The following CMTM5 variants were observed in gnomAD, a reference collection of about 807,000 sequenced individuals.
The protein encoded by CMTM5 is CKLF like MARVEL transmembrane domain containing 5, also known as CKLF-like MARVEL transmembrane domain-containing protein 5.
A neutral mutation model predicts 26.9 loss-of-function variants in CMTM5; 25 were observed. The observed-to-expected ratio is 0.93, with a 90% confidence interval of 0.68 to 1.30. The LOEUF is 1.30. CMTM5 is among the 50% of genes most tolerant of loss of function. The pLI, the probability that CMTM5 is intolerant of heterozygous loss-of-function variation, is 0.00. For synonymous variants in CMTM5, 98 were observed against 115.5 expected (o/e 0.85, Z 0.97); for missense variants, 292 against 289.6 (o/e 1.01, Z -0.06).
In CMTM5 at chr14:23,378,348, G is replaced by T; in HGVS notation, c.127-1G>T. The T allele has an allele frequency of 6.2e-7, 1 of 1,613,976 alleles. No individual in the cohort carries two copies. The highest frequency in any genetic ancestry group is 8.5e-7 in the Non-Finnish European group (1 of 1,179,946). The stretch of plus-strand genomic sequence containing the variant: ...CATGTTCCACATGCTCGGTCCTGCA[G>T]GCCCTGACCCTCATCATCTTCATCT... On this transcript the variant is annotated splice_acceptor_variant, in intron 1 of 5. Coordinates refer to ENST00000339180, the MANE Select transcript of CMTM5 (RefSeq NM_001288746.2). LOFTEE classifies it high-confidence loss of function. The surrounding 1 kb of genome is among the most constrained non-coding windows in gnomAD (Gnocchi z 4.2).
In CMTM5 at chr14:23,378,209, G is replaced by A; in HGVS notation, c.127-140G>A. The A allele has an allele frequency of 1.2e-6, 1 of 869,454 alleles. No homozygotes were observed. Among genetic ancestry groups the A allele is most frequent in the Non-Finnish European group, 1.7e-6 (1 of 573,704 alleles). 53.9% of individuals were successfully genotyped at this position (869,454 alleles called of 1,614,324 possible). A position where few individuals can be genotyped will look rare whatever the true frequency, so the allele number is the denominator to read the frequency against. ...GTGGCTCCTGACACCAGGGGATAGG[G>A]AGATGTGCCAGAGTCCTTCCTCCCC... On this transcript the variant is annotated intron_variant, in intron 1 of 5. Coordinates refer to ENST00000339180, the MANE Select transcript of CMTM5 (RefSeq NM_001288746.2). The surrounding 1 kb of genome is among the most constrained non-coding windows in gnomAD (Gnocchi z 4.2).
chr14:23,379,200 C>T (rs1890746187), intron 4 of CMTM5, 77 bp downstream of exon 4: 2 of 1,598,842 alleles, frequency 1.3e-6, no homozygotes, highest in East Asian at 2.2e-5. Flanking sequence ...TATCAGAAGC[C>T]ACAGCCAGGA....
Position 23,378,730 on chromosome 14 carries a change from A to C in CMTM5, c.341A>C (p.Lys114Thr), listed in dbSNP as rs116646254. 4,355 of 1,612,554 alleles carry C rather than the reference A, an allele frequency of 2.7e-3. 76 individuals carry two copies. In the African/African-American group the frequency reaches 0.046, roughly 17 times the overall value. The change falls in exon 3 of 6, where the codon AAG (lysine) becomes ACG (threonine). Residue 114 changes from lysine (K) to threonine (T), a missense_variant. Lys to Thr is a moderately conservative substitution (Grantham distance 78). Coordinates refer to ENST00000339180, the MANE Select transcript of CMTM5 (RefSeq NM_001288746.2). The surrounding 1 kb of genome is among the most constrained non-coding windows in gnomAD (Gnocchi z 4.2). ...CTAGATCTACTCTCCCACTCAGCAA[A>C]GGTCCAGCCCCAGCCCTGGCCTGGC... The part of the protein sequence containing the change: ...HPLDLLSHSA[K>T]VQPQPWPGLT...
Position 23,377,427 on chromosome 14 carries a change from C to A in CMTM5, c.126+50C>A, listed in dbSNP as rs1220957657. On this transcript the variant is annotated intron_variant, in intron 1 of 5. Transcript: ENST00000339180. This position sits in a 1 kb window ranked among gnomAD's most constrained non-coding sequence, Gnocchi z 4.6. Reference sequence around the variant, plus strand: ...GCCTCCATCTCCCTGACCCCCGGCTCCTGGCCAGCCTTATGCCAGCCCCCA... The same window carrying A: ...GCCTCCATCTCCCTGACCCCCGGCTACTGGCCAGCCTTATGCCAGCCCCCA... 1 of 1,510,504 alleles carries A rather than the reference C, an allele frequency of 6.6e-7. No homozygotes were observed. The highest frequency in any genetic ancestry group is 8.8e-7 in the Non-Finnish European group (1 of 1,130,856). 93.6% of individuals were successfully genotyped at this position (1,510,504 alleles called of 1,614,324 possible). A position where few individuals can be genotyped will look rare whatever the true frequency, so the allele number is the denominator to read the frequency against.
rs1198209266 is a variant in CMTM5, at chr14:23,378,194, A to C, written c.127-155A>C. On this transcript the variant is annotated intron_variant, in intron 1 of 5. Coordinates refer to ENST00000339180, the MANE Select transcript of CMTM5 (RefSeq NM_001288746.2). The surrounding 1 kb of genome is among the most constrained non-coding windows in gnomAD (Gnocchi z 4.2). ...AAATGCCCTGCAACGGTGGCTCCTG[A>C]CACCAGGGGATAGGGAGATGTGCCA... The C allele has an allele frequency of 1.3e-6, 1 of 784,746 alleles. No homozygotes were observed. The highest frequency in any genetic ancestry group is 2.0e-6 in the Non-Finnish European group (1 of 503,202). 48.6% of individuals were successfully genotyped at this position (784,746 alleles called of 1,614,324 possible). A position where few individuals can be genotyped will look rare whatever the true frequency, so the allele number is the denominator to read the frequency against.
In CMTM5 at chr14:23,377,370, C is replaced by G. The variant is rs1029544008; in HGVS notation, c.119C>G (p.Thr40Ser). The G allele has an allele frequency of 1.3e-6, 2 of 1,587,366 alleles. No homozygotes were observed. The highest frequency in any genetic ancestry group is 1.7e-6 in the Non-Finnish European group (2 of 1,164,076). The change falls in exon 1 of 6, where the codon ACC (threonine) becomes AGC (serine). Residue 40 changes from threonine to serine, a missense_variant. Transcript: ENST00000339180. The surrounding 1 kb of genome is among the most constrained non-coding windows in gnomAD (Gnocchi z 4.6). The stretch of plus-strand genomic sequence containing the variant: ...TCCCACAAGGGCATCCTGCTGGAAA[C>G]CGAGCTGGTAACAGCTGCCTCCCAA... Reference protein sequence around the residue: ...LTSHKGILLETELALTLIIFI... With the variant: ...LTSHKGILLESELALTLIIFI...
In CMTM5 at chr14:23,379,080, T is replaced by C. The variant is rs1457910789; in HGVS notation, c.530T>C (p.Phe177Ser). ...SAIIIFLVVS[F>S]AAVTSRDGAA... Reference sequence around the variant, plus strand: ...ATCATCATCTTCCTGGTGGTCTCCTTTGCAGCTGTGACCTCCCGGGACGGA... The same window carrying C: ...ATCATCATCTTCCTGGTGGTCTCCTCTGCAGCTGTGACCTCCCGGGACGGA... The change falls in exon 4 of 6, where the codon TTT becomes TCT. Residue 177 changes from phenylalanine to serine, a missense_variant. Physicochemically the swap from Phe to Ser is radical, Grantham distance 155. Coordinates refer to ENST00000339180, the MANE Select transcript of CMTM5 (RefSeq NM_001288746.2). The C allele has an allele frequency of 1.2e-6, 2 of 1,614,094 alleles. No individual in the cohort carries two copies. Among genetic ancestry groups the C allele is most frequent in the South Asian group, 2.2e-5 (2 of 91,082 alleles).
chr14:23,379,517 C>G lies in CMTM5; in HGVS notation c.*30C>G, dbSNP rs970565487. On this transcript the variant is annotated 3_prime_UTR_variant, in exon 6 of 6. Coordinates refer to ENST00000339180, the MANE Select transcript of CMTM5 (RefSeq NM_001288746.2). ...GGGGCTACCTGGCTCCTAGGCCCAG[C>G]CAGCCAGAGAGGACAGTGGAGCCCA... The G allele has an allele frequency of 8.7e-6, 14 of 1,612,672 alleles. No homozygotes were observed. In the African/African-American group the frequency reaches 1.9e-4, roughly 22 times the overall value.
At position 23,377,226 on chromosome 14, in the gene CMTM5, G is replaced by T; in HGVS notation, c.-26G>T. On this transcript the variant is annotated 5_prime_UTR_variant, in exon 1 of 6. Coordinates refer to ENST00000339180, the MANE Select transcript of CMTM5 (RefSeq NM_001288746.2). This position sits in a 1 kb window ranked among gnomAD's most constrained non-coding sequence, Gnocchi z 4.6. Reference sequence around the variant, plus strand: ...CTCTTGCTGGGCTTTTGGCAGTAGGGGGCTGTGTTGGTGGGCCCTACGAAG... The same window carrying T: ...CTCTTGCTGGGCTTTTGGCAGTAGGTGGCTGTGTTGGTGGGCCCTACGAAG... 6.2e-7 allele frequency: 1 copy of T among 1,608,814 alleles called. No homozygotes were observed. The highest frequency in any genetic ancestry group is 8.5e-7 in the Non-Finnish European group (1 of 1,178,362).
At position 23,378,812 on chromosome 14, in the gene CMTM5, G is replaced by C; in HGVS notation, c.423G>C (p.Ala141=). ...PAAVPWVPAP[A]PGFWSWLLWF... ...CTGTCCCCTGGGTTCCAGCCCCAGC[G>C]CCTGGCTTCTGGTCCTGGTTGCTCT... is the stretch of plus-strand genomic sequence containing the variant. Residue 141 remains alanine (A), a synonymous_variant, in exon 3 of 6, where the codon GCG becomes GCC. Transcript: ENST00000339180. This position sits in a 1 kb window ranked among gnomAD's most constrained non-coding sequence, Gnocchi z 4.2. The C allele has an allele frequency of 6.2e-7, 1 of 1,612,634 alleles. No individual in the cohort carries two copies. The highest frequency in any genetic ancestry group is 8.5e-7 in the Non-Finnish European group (1 of 1,179,828).
intron 4 of CMTM5, 43 bp downstream of exon 4, chr14:23,379,166 A>G: frequency 1.9e-6 from 3 of 1,605,234 alleles, no homozygotes; most frequent in African/African-American, 2.7e-5. Flanking sequence ...TCAAGAGCTC[A>G]GGCTGGTGCT....
rs569489751 is a variant in CMTM5, at chr14:23,377,461, T to C, written c.126+84T>C. On this transcript the variant is annotated intron_variant, in intron 1 of 5. Coordinates refer to ENST00000339180, the MANE Select transcript of CMTM5 (RefSeq NM_001288746.2). This position sits in a 1 kb window ranked among gnomAD's most constrained non-coding sequence, Gnocchi z 4.6. ...CCTTATGCCAGCCCCCAGCTCACCC[T>C]TCAGTAGCCTCCTTCCCCAAGCCCT... is the stretch of plus-strand genomic sequence containing the variant. The C allele has an allele frequency of 2.5e-4, 359 of 1,442,614 alleles. 3 individuals carry two copies. Among genetic ancestry groups the C allele is most frequent in the South Asian group, 1.4e-3 (96 of 71,034 alleles). 89.4% of individuals were successfully genotyped at this position (1,442,614 alleles called of 1,614,324 possible).
In CMTM5 at chr14:23,377,892, G is replaced by A. The variant is rs779424617; in HGVS notation, c.127-457G>A. 5.3e-6 allele frequency: 1 copy of A among 189,674 alleles called. No homozygotes were observed. The highest frequency in any genetic ancestry group is 1.1e-5 in the Non-Finnish European group (1 of 93,092). 11.7% of individuals were successfully genotyped at this position (189,674 alleles called of 1,614,324 possible). ...GCTAAAGGGGCTCCCAGAAACCACT[G>A]GGCAGCATCTGCCTTCTCTCTTGGC... On this transcript the variant is annotated intron_variant, in intron 1 of 5. Transcript: ENST00000339180. This position sits in a 1 kb window ranked among gnomAD's most constrained non-coding sequence, Gnocchi z 4.6.
In CMTM5 at chr14:23,378,609, C is replaced by T. The variant is rs1415733274; in HGVS notation, c.280-60C>T. Reference sequence around the variant, plus strand: ...TTTCCATTTCCACACCACAGCTGGGCTTTGTCCCATGCTATGCCCTGCACT... The same window carrying T: ...TTTCCATTTCCACACCACAGCTGGGTTTTGTCCCATGCTATGCCCTGCACT... On this transcript the variant is annotated intron_variant, in intron 2 of 5. Coordinates refer to ENST00000339180, the MANE Select transcript of CMTM5 (RefSeq NM_001288746.2). This position sits in a 1 kb window ranked among gnomAD's most constrained non-coding sequence, Gnocchi z 4.2. 1 of 1,608,498 alleles carries T rather than the reference C, an allele frequency of 6.2e-7. No homozygotes were observed. The highest frequency in any genetic ancestry group is 8.5e-7 in the Non-Finnish European group (1 of 1,175,330).
intron 4 of CMTM5, 86 bp downstream of exon 4, chr14:23,379,209 G>C: frequency 6.3e-7 from 1 of 1,599,890 alleles, no homozygotes; most frequent in Non-Finnish European, 8.5e-7. Context: ...CCACAGCCAG[G>C]ACTTGGGGTT....
intron 4 of CMTM5, 29 bp downstream of exon 4, chr14:23,379,152 C>G: frequency 6.2e-7 from 1 of 1,609,320 alleles, no homozygotes; most frequent in Non-Finnish European, 8.5e-7. Context: ...GACTCCTTAG[C>G]CCCTCAAGAG....
At position 23,378,635 on chromosome 14, in the gene CMTM5, CA is replaced by C; in HGVS notation, c.280-31del. On this transcript the variant is annotated intron_variant, in intron 2 of 5. Transcript: ENST00000339180. The surrounding 1 kb of genome is among the most constrained non-coding windows in gnomAD (Gnocchi z 4.2). Reference sequence around the variant, plus strand: ...TTTGTCCCATGCTATGCCCTGCACTCAAAGGTGTGCTTTGACTCACACTGAT... The same window carrying C: ...TTTGTCCCATGCTATGCCCTGCACTCAAGGTGTGCTTTGACTCACACTGAT... 6.2e-7 allele frequency: 1 copy of C among 1,612,456 alleles called. No individual in the cohort carries two copies. The highest frequency in any genetic ancestry group is 1.3e-5 in the African/African-American group (1 of 74,996).
At position 23,379,715 on chromosome 14, in the gene CMTM5, G is replaced by A. The variant is rs1284244723; in HGVS notation, c.*228G>A. The A allele has an allele frequency of 6.0e-6, 5 of 828,560 alleles. No individual in the cohort carries two copies. The East Asian group carries it at 1.4e-4, about 23-fold the overall frequency. The allele number at this position is 828,560 out of a possible 1,614,324, so 51.3% of individuals were successfully genotyped here. On this transcript the variant is annotated 3_prime_UTR_variant, in exon 6 of 6. Transcript: ENST00000339180. ...AGGGGAACTTATTGGGGGAGGGGGG[G>A]TGGAGGGGAGGAATCTGGACCTCTA... is the stretch of plus-strand genomic sequence containing the variant.
Position 23,378,315 on chromosome 14 carries a change from C to T in CMTM5, c.127-34C>T. The stretch of plus-strand genomic sequence containing the variant: ...AAGCCCTGGCCCCTGCCTGTGTCCC[C>T]TTCTTGGCATGTTCCACATGCTCGG... On this transcript the variant is annotated intron_variant, in intron 1 of 5. Transcript: ENST00000339180. This position sits in a 1 kb window ranked among gnomAD's most constrained non-coding sequence, Gnocchi z 4.2. The T allele has an allele frequency of 3.7e-6, 6 of 1,611,814 alleles. No individual in the cohort carries two copies. The highest frequency in any genetic ancestry group is 5.1e-6 in the Non-Finnish European group (6 of 1,178,870).
Sources: gnomAD v4.1 joint callset for allele counts on GRCh38, gnomAD v4.1.1 for gene constraint, Gnocchi (gnomAD v3.1) non-coding constraint, MANE v1.5 for transcripts, NCBI Gene and HGNC (gene_info 2026-07-23, HGNC 2026-07-21) for gene names.